The following MDGA2 variants were observed in gnomAD, a reference collection of about 807,000 sequenced individuals.
MDGA2 encodes MAM domain containing glycosylphosphatidylinositol anchor 2, also known as MAM domain-containing glycosylphosphatidylinositol anchor protein 2.
In MDGA2, 40 loss-of-function variants were observed where a neutral mutation model predicts 117.8. The ratio of observed to expected loss-of-function variants is 0.34; its 90% CI spans 0.26 to 0.44. The LOEUF is 0.44. Ranked by LOEUF, MDGA2 falls within the 20% of genes least tolerant of loss-of-function variation. MDGA2 has a pLI of 1.00. For synonymous variants in MDGA2, 452 were observed against 439.0 expected (o/e 1.03, Z -0.37); for missense variants, 1,123 against 1,250.6 (o/e 0.90, Z 1.54).
chr14:47,574,045 GT>G (rs1394177946), intron 1 of MDGA2, among the ~76,000 whole-genome samples: 1 of 152,108 alleles, frequency 6.6e-6, no homozygotes. Flanking sequence ...TTCACATGGT[GT>G]ATATAAGTAC....
intron 1 of MDGA2, among the ~76,000 whole-genome samples, chr14:47,631,070 T>C (rs1897243473): frequency 6.6e-6 from 1 of 152,220 alleles, no homozygotes; most frequent in Admixed American, 6.5e-5. Flanking sequence ...TTCTCAACCA[T>C]GGATACACAA....
At chr14:47,419,588 T>C (rs1892538361) in intron 1 of MDGA2, among the ~76,000 whole-genome samples, 1 of 152,174 alleles carries the variant, frequency 6.6e-6, no homozygotes, top group African/African-American at 2.4e-5. Flanking sequence ...CCTTTCCTTA[T>C]ACATTTCTTA....
chr14:47,555,879 A>C (rs1249691248), intron 1 of MDGA2, among the ~76,000 whole-genome samples: 1 of 152,146 alleles, frequency 6.6e-6, no homozygotes. Context: ...TGTAAACCCT[A>C]AGAAAGCTCC....
chr14:47,157,073 T>G (rs1383003444), intron 3 of MDGA2, among the ~76,000 whole-genome samples: 1 of 152,178 alleles, frequency 6.6e-6, no homozygotes, highest in Non-Finnish European at 1.5e-5. Context: ...ATATAAATGA[T>G]TTGTAATTCT....
At chr14:46,880,450 AT>A (rs754639952) in intron 11 of MDGA2, among the ~76,000 whole-genome samples, 3 of 152,124 alleles carry the variant, frequency 2.0e-5, no homozygotes, top group Non-Finnish European at 2.9e-5. Context: ...GAATATTAAA[AT>A]TCTAAAATGC....
At chr14:47,561,171 G>GTTTTT (rs1594918273) in intron 1 of MDGA2, among the ~76,000 whole-genome samples, 4 of 68,476 alleles carry the variant, frequency 5.8e-5, no homozygotes, top group South Asian at 1.3e-3. Flanking sequence ...TTGTTTTTTT[G>GTTTTT]TTTGTTTGTT....
intron 1 of MDGA2, among the ~76,000 whole-genome samples, chr14:47,328,859 A>C (rs1177171991): frequency 6.6e-6 from 1 of 152,026 alleles, no homozygotes; most frequent in African/African-American, 2.4e-5. Flanking sequence ...GATTGCGGAG[A>C]ATATAAGTGT....
intron 1 of MDGA2, among the ~76,000 whole-genome samples, chr14:47,492,947 G>C (rs546647813): frequency 2.0e-5 from 3 of 151,556 alleles, no homozygotes; most frequent in Non-Finnish European, 4.4e-5. Flanking sequence ...ATGCATCTAG[G>C]GAAATTTTGT....
chr14:46,846,583 G>A (rs1216786960), intron 15 of MDGA2, among the ~76,000 whole-genome samples: 2 of 152,036 alleles, frequency 1.3e-5, no homozygotes, highest in East Asian at 3.8e-4. Flanking sequence ...AGTACAATCA[G>A]AATCCTTTAT....
chr14:47,261,021 TA>T (rs1356480794), intron 2 of MDGA2, among the ~76,000 whole-genome samples: 1 of 152,042 alleles, frequency 6.6e-6, no homozygotes, highest in Non-Finnish European at 1.5e-5. Context: ...AAGAATGGCA[TA>T]AAAGTTGAGC....
At chr14:47,247,641 A>ATTATTATTATTG in intron 2 of MDGA2, among the ~76,000 whole-genome samples, 1 of 148,872 alleles carries the variant, frequency 6.7e-6, no homozygotes, top group Non-Finnish European at 1.5e-5. Flanking sequence ...ATTTATTATT[A>ATTATTATTATTG]TTATTATTAT....
intron 6 of MDGA2, among the ~76,000 whole-genome samples, chr14:47,082,332 GA>G (rs11285576): frequency 0.71 from 102,583 of 144,472 alleles, 36,251 homozygotes; most frequent in East Asian, 0.94. Context: ...TCCAGGGAAG[GA>G]AAAAAAAAAA....
rs1882900007 is a variant in MDGA2 at position 47,145,389 on chromosome 14, A to T, written c.596-1115T>A. 9.2e-5 allele frequency among the ~76,000 whole-genome samples: 14 copies of T among 152,326 alleles called. No homozygotes were observed. The South Asian group carries it at 2.9e-3, about 32-fold the overall frequency. On this transcript the variant is annotated intron_variant, in intron 3 of 16. Coordinates refer to ENST00000399232, the MANE Select transcript of MDGA2 (RefSeq NM_001113498.3). Reference sequence around the variant, plus strand: ...CCAATAAAACTTTATTTATAAATACAGACACTCCTCAACCAGCTTTGGCTA... The same window carrying T: ...CCAATAAAACTTTATTTATAAATACTGACACTCCTCAACCAGCTTTGGCTA...
chr14:47,674,464 G>C (rs1898137279), intron 1 of MDGA2, 53 bp downstream of exon 1: 2 of 1,471,966 alleles, frequency 1.4e-6, no homozygotes, highest in African/African-American at 2.9e-5. Flanking sequence ...TCGCTCACCA[G>C]CCTATCTTGC....
chr14:47,419,262 C>A (rs936915708), intron 1 of MDGA2, among the ~76,000 whole-genome samples: 1 of 151,980 alleles, frequency 6.6e-6, no homozygotes. Flanking sequence ...ATCAGACTGT[C>A]CTCATTTTAT....
At chr14:47,019,751 G>A (rs1482076780) in intron 8 of MDGA2, among the ~76,000 whole-genome samples, 1 of 151,696 alleles carries the variant, frequency 6.6e-6, no homozygotes, top group Non-Finnish European at 1.5e-5. Context: ...CGCTGAGGCA[G>A]GAGAATGACG....
At chr14:47,107,104 T>C (rs948643166) in intron 5 of MDGA2, among the ~76,000 whole-genome samples, 30 of 145,642 alleles carry the variant, frequency 2.1e-4, no homozygotes, top group African/African-American at 7.8e-4. Context: ...TACTCCCTCC[T>C]TGGCGACCGA....
At chr14:47,359,508 AT>A (rs1340882883) in intron 1 of MDGA2, among the ~76,000 whole-genome samples, 2 of 152,186 alleles carry the variant, frequency 1.3e-5, no homozygotes, top group Non-Finnish European at 2.9e-5. Context: ...TGGTTAACTA[AT>A]TTTCAACAAG....
intron 2 of MDGA2, among the ~76,000 whole-genome samples, chr14:47,269,373 G>A (rs1355615818): frequency 6.6e-6 from 1 of 152,044 alleles, no homozygotes; most frequent in Non-Finnish European, 1.5e-5. Context: ...TATCCAAAAA[G>A]TAAAAAGACT....
Sources: allele counts gnomAD v4.1 joint callset (sites outside exome capture counted in the v4.1 genomes callset), GRCh38; gene constraint gnomAD v4.1.1; transcripts MANE v1.5; gene names NCBI Gene and HGNC (gene_info 2026-07-23, HGNC 2026-07-21).